Variants in KCNH1 observed in about 807,000 individuals in gnomAD.
KCNH1 encodes the protein voltage-gated delayed rectifier potassium channel KCNH1.
Under a neutral mutation model 69.2 loss-of-function variants are expected in KCNH1, and 27 were observed. The observed-to-expected ratio is 0.39, with a 90% CI of 0.29 to 0.54. The LOEUF (loss-of-function observed/expected upper bound fraction) is 0.54. KCNH1 is among the 20% of genes least tolerant of loss of function. The pLI is 0.68. For synonymous variants in KCNH1, 456 were observed against 487.7 expected (o/e 0.93, Z 0.86); for missense variants, 798 against 1,261.6 (o/e 0.63, Z 5.57).
At chr1:210,891,694 C>G (rs1016187646) in intron 7 of KCNH1, among the ~76,000 whole-genome samples, 1 of 151,970 alleles carries the variant, frequency 6.6e-6, no homozygotes, top group Non-Finnish European at 1.5e-5. Flanking sequence ...TACCATTTGA[C>G]CCAGCAATCC....
At chr1:210,804,258 C>A in intron 7 of KCNH1, 92 bp from the exon 8 acceptor site, 1 of 1,085,050 alleles carries the variant, frequency 9.2e-7, no homozygotes, top group Non-Finnish European at 1.4e-6. Flanking sequence ...CAGAGTAGGC[C>A]AATGGCCAGA....
chr1:210,792,361 G>A (rs1024426250), intron 9 of KCNH1, among the ~76,000 whole-genome samples: 1 of 152,162 alleles, frequency 6.6e-6, no homozygotes, highest in Non-Finnish European at 1.5e-5. Flanking sequence ...CGGACTGTGA[G>A]GCTCTTCAAA....
At chr1:210,954,782 T>G (rs1226589519) in intron 6 of KCNH1, among the ~76,000 whole-genome samples, 1 of 152,186 alleles carries the variant, frequency 6.6e-6, no homozygotes, top group Admixed American at 6.5e-5. Context: ...TTTAAGTTCT[T>G]TGTAGATTCT....
At chr1:210,955,436 A>C (rs1688152546) in intron 6 of KCNH1, among the ~76,000 whole-genome samples, 1 of 152,186 alleles carries the variant, frequency 6.6e-6, no homozygotes, top group South Asian at 2.1e-4. Flanking sequence ...CAATTCTGTG[A>C]AGAAAGTCAT....
chr1:211,004,733 C>A (rs943710675), intron 6 of KCNH1, among the ~76,000 whole-genome samples: 1 of 151,994 alleles, frequency 6.6e-6, no homozygotes, highest in Non-Finnish European at 1.5e-5. Flanking sequence ...AAAAAATAGG[C>A]TTCTTAGAAG....
chr1:210,844,385 C>A (rs1245360408), intron 7 of KCNH1, among the ~76,000 whole-genome samples: 1 of 152,010 alleles, frequency 6.6e-6, no homozygotes, highest in African/African-American at 2.4e-5. Flanking sequence ...TAGCTGGGCA[C>A]CACAGTGCAC....
At chr1:210,927,234 T>C (rs937737471) in intron 6 of KCNH1, among the ~76,000 whole-genome samples, 24 of 152,054 alleles carry the variant, frequency 1.6e-4, no homozygotes, top group African/African-American at 2.7e-4. Flanking sequence ...AGAGGAGTCA[T>C]TGGGAAAAGG....
chr1:211,116,091 A>G (rs1691576461), intron 1 of KCNH1, among the ~76,000 whole-genome samples: 1 of 152,102 alleles, frequency 6.6e-6, no homozygotes, highest in South Asian at 2.1e-4. Context: ...AGCTATGAGC[A>G]TGCCACTGCA....
At chr1:210,795,825 G>A (rs905471257) in intron 9 of KCNH1, among the ~76,000 whole-genome samples, 65 of 152,048 alleles carry the variant, frequency 4.3e-4, no homozygotes, top group African/African-American at 1.5e-3. Context: ...AGCATACTAC[G>A]TTAATTATCA....
rs916005078 is a variant in KCNH1, at chr1:210,839,059, G to C, written c.1463-34893C>G. Among the ~76,000 whole-genome samples, 10 of 152,160 alleles carry C rather than the reference G, an allele frequency of 6.6e-5. No homozygotes were observed. In the East Asian group the frequency reaches 1.5e-3, roughly 23 times the overall value. ...TTTGATCCAGTAATTCCATTACCAA[G>C]TATATACCCAAAGGAATATAAGTCA... On this transcript the variant is annotated intron_variant, in intron 7 of 10. Transcript: ENST00000271751.
intron 5 of KCNH1, among the ~76,000 whole-genome samples, chr1:211,047,007 C>T (rs1045163983): frequency 5.3e-5 from 8 of 152,084 alleles, no homozygotes; most frequent in Non-Finnish European, 1.2e-4. Context: ...ATATTTTAAT[C>T]CAATAATTTA....
chr1:210,761,298 T>C (rs1683515839), intron 10 of KCNH1, among the ~76,000 whole-genome samples: 1 of 135,520 alleles, frequency 7.4e-6, no homozygotes, highest in Non-Finnish European at 1.6e-5. Context: ...ACATAGCCCA[T>C]GGACCCTATA....
chr1:210,773,848 G>T (rs762868736), intron 10 of KCNH1, among the ~76,000 whole-genome samples: 7 of 152,100 alleles, frequency 4.6e-5, no homozygotes, highest in Non-Finnish European at 8.8e-5. Context: ...AGTATCATTG[G>T]GTTTTATATG....
chr1:210,969,217 C>A (rs991042267), intron 6 of KCNH1, among the ~76,000 whole-genome samples: 1 of 151,858 alleles, frequency 6.6e-6, no homozygotes, highest in Non-Finnish European at 1.5e-5. Context: ...TGAGGTTAAC[C>A]TATAATTTTA....
At chr1:211,014,149 C>T (rs1002938627) in intron 6 of KCNH1, among the ~76,000 whole-genome samples, 1 of 152,174 alleles carries the variant, frequency 6.6e-6, no homozygotes, top group South Asian at 2.1e-4. Context: ...GATAACAGCT[C>T]CCTTTTCCCC....
At position 210,687,212 on chromosome 1, in the gene KCNH1, T is replaced by G. The variant is rs1003171751; in HGVS notation, c.2113-3074A>C. On this transcript the variant is annotated intron_variant, in intron 10 of 10. Coordinates refer to ENST00000271751, the MANE Select transcript of KCNH1 (RefSeq NM_172362.3). Reference sequence around the variant, plus strand: ...TCCCAAGAGGCTGTACAGCAAAGGCTTAACATAATTCATGGTGGACATTTG... The same window carrying G: ...TCCCAAGAGGCTGTACAGCAAAGGCGTAACATAATTCATGGTGGACATTTG... Among the ~76,000 whole-genome samples the G allele has an allele frequency of 2.0e-5, 3 of 152,214 alleles. No individual in the cohort carries two copies. In the South Asian group the frequency reaches 6.2e-4, roughly 32 times the overall value.
At chr1:211,068,207 T>C (rs572874957) in intron 5 of KCNH1, among the ~76,000 whole-genome samples, 2 of 152,342 alleles carry the variant, frequency 1.3e-5, no homozygotes, top group South Asian at 4.1e-4. Flanking sequence ...CTCCATACTC[T>C]TATTCAGTCT....
chr1:210,941,306 C>A (rs907937884), intron 6 of KCNH1, among the ~76,000 whole-genome samples: 1 of 152,216 alleles, frequency 6.6e-6, no homozygotes, highest in Admixed American at 6.5e-5. Context: ...TTGCCCAACA[C>A]CAAGCTTCAA....
At chr1:210,909,753 G>A (rs866602631) in intron 7 of KCNH1, among the ~76,000 whole-genome samples, 3 of 152,164 alleles carry the variant, frequency 2.0e-5, no homozygotes, top group South Asian at 2.1e-4. Flanking sequence ...TTCATAAATC[G>A]TCCTTGCTGT....
Sources: gnomAD v4.1 joint callset for allele counts (sites outside exome capture counted in the v4.1 genomes callset) on GRCh38, gnomAD v4.1.1 for gene constraint, MANE v1.5 for transcripts, NCBI Gene and HGNC (gene_info 2026-07-23, HGNC 2026-07-21) for gene names.